The following TRPC4 variants were observed in gnomAD, a reference collection of about 807,000 sequenced individuals.
TRPC4 encodes transient receptor potential cation channel subfamily C member 4.
In TRPC4, 49 loss-of-function variants were observed where a neutral mutation model predicts 99.4. That is an observed-to-expected ratio of 0.49 (90% CI 0.39 to 0.63). TRPC4 has a LOEUF of 0.63. Among genes scored for constraint, TRPC4 ranks in the 20% least tolerant of loss-of-function variants. TRPC4 has a pLI of 0.00. For missense variants in TRPC4, 898 were observed against 1,152.9 expected (o/e 0.78, Z 3.20); for synonymous variants, 454 against 425.9 (o/e 1.07, Z -0.81).
intron 1 of TRPC4, among the ~76,000 whole-genome samples, chr13:37,821,359 T>A (rs1958006096): frequency 1.3e-5 from 2 of 152,086 alleles, no homozygotes; most frequent in African/African-American, 2.4e-5. Flanking sequence ...TGAATAGGAA[T>A]AATCAATATT....
chr13:37,825,368 G>T (rs1171059181), intron 1 of TRPC4, among the ~76,000 whole-genome samples: 16 of 149,732 alleles, frequency 1.1e-4, no homozygotes, highest in South Asian at 1.1e-3. Flanking sequence ...TGATGTTAGG[G>T]TGTCAATTTT....
intron 2 of TRPC4, among the ~76,000 whole-genome samples, chr13:37,765,453 G>A (rs1252397739): frequency 6.6e-6 from 1 of 151,354 alleles, no homozygotes; most frequent in Non-Finnish European, 1.5e-5. Flanking sequence ...TTTAATCCAT[G>A]TGGAATTCAG....
chr13:37,811,608 G>A (rs575531148), intron 1 of TRPC4, among the ~76,000 whole-genome samples: 19 of 152,210 alleles, frequency 1.2e-4, no homozygotes, highest in Admixed American at 2.0e-4. Context: ...GAATGTTCTC[G>A]TCTAGTATTC....
intron 4 of TRPC4, among the ~76,000 whole-genome samples, chr13:37,688,376 T>C (rs557024769): frequency 1.2e-4 from 19 of 152,150 alleles, no homozygotes; most frequent in Non-Finnish European, 1.3e-4. Context: ...ACAAGACAAC[T>C]GGTTCTATGA....
intron 1 of TRPC4, among the ~76,000 whole-genome samples, chr13:37,799,896 A>G (rs1031885249): frequency 1.3e-5 from 2 of 152,202 alleles, no homozygotes. Context: ...TGTTTTTGAA[A>G]TCTTCTGCTA....
chr13:37,755,846 T>C (rs887165845), intron 2 of TRPC4, among the ~76,000 whole-genome samples: 1 of 152,128 alleles, frequency 6.6e-6, no homozygotes, highest in Non-Finnish European at 1.5e-5. Flanking sequence ...GATAGTAAAA[T>C]AATAGAAACT....
At chr13:37,650,211 C>G (rs1408030556) in intron 8 of TRPC4, among the ~76,000 whole-genome samples, 2 of 151,898 alleles carry the variant, frequency 1.3e-5, no homozygotes, top group African/African-American at 4.8e-5. Flanking sequence ...AAATTGAAAA[C>G]AAATTAATAT....
intron 5 of TRPC4, among the ~76,000 whole-genome samples, chr13:37,673,497 T>C (rs1952935330): frequency 6.6e-6 from 1 of 152,122 alleles, no homozygotes. Context: ...AATTAACTAG[T>C]TATTTTGAAA....
chr13:37,765,346 T>C (rs1410829549), intron 2 of TRPC4, among the ~76,000 whole-genome samples: 1 of 151,488 alleles, frequency 6.6e-6, no homozygotes, highest in Non-Finnish European at 1.5e-5. Context: ...CTGCTTACTT[T>C]AAGCTTTATA....
chr13:37,843,023 T>A (rs1958788274), intron 1 of TRPC4, among the ~76,000 whole-genome samples: 2 of 152,226 alleles, frequency 1.3e-5, no homozygotes, highest in South Asian at 4.1e-4. Flanking sequence ...TGCTCAGTGA[T>A]TAATATGAGT....
chr13:37,839,920 C>T (rs1431516709), intron 1 of TRPC4, among the ~76,000 whole-genome samples: 2 of 152,128 alleles, frequency 1.3e-5, no homozygotes, highest in Non-Finnish European at 2.9e-5. Flanking sequence ...ATTCTATCCT[C>T]CTGCCATAAT....
intron 1 of TRPC4, among the ~76,000 whole-genome samples, chr13:37,816,384 T>A (rs369144558): frequency 6.6e-6 from 1 of 151,846 alleles, no homozygotes; most frequent in Non-Finnish European, 1.5e-5. Context: ...CTGATTCAAG[T>A]GGACCTGATA....
chr13:37,734,303 T>A (rs925289634), intron 3 of TRPC4, among the ~76,000 whole-genome samples: 3 of 152,200 alleles, frequency 2.0e-5, no homozygotes, highest in Non-Finnish European at 2.9e-5. Context: ...CATTTTATTA[T>A]CTAAGCAAGA....
At chr13:37,822,390 G>C (rs1366430833) in intron 1 of TRPC4, among the ~76,000 whole-genome samples, 1 of 151,690 alleles carries the variant, frequency 6.6e-6, no homozygotes, top group Non-Finnish European at 1.5e-5. Context: ...TCGTCATCTA[G>C]CATTAGGTAT....
chr13:37,727,446 C>T (rs539955060), intron 3 of TRPC4, among the ~76,000 whole-genome samples: 18 of 151,790 alleles, frequency 1.2e-4, no homozygotes, highest in Admixed American at 2.0e-4. Context: ...GAAATTTATG[C>T]CTATAAATAC....
chr13:37,769,317 T>TA (rs1310100879), intron 2 of TRPC4, among the ~76,000 whole-genome samples: 1 of 151,360 alleles, frequency 6.6e-6, no homozygotes, highest in Non-Finnish European at 1.5e-5. Flanking sequence ...CCTCATTTAT[T>TA]AAAAAAAGAT....
At chr13:37,704,651 A>G (rs573010872) in intron 3 of TRPC4, among the ~76,000 whole-genome samples, 13 of 152,214 alleles carry the variant, frequency 8.5e-5, no homozygotes, top group Non-Finnish European at 1.8e-4. Flanking sequence ...AAAAATAAAT[A>G]AATAAATAAA....
chr13:37,865,640 T>C (rs1959692785), intron 1 of TRPC4, among the ~76,000 whole-genome samples: 3 of 151,710 alleles, frequency 2.0e-5, no homozygotes, highest in Non-Finnish European at 1.5e-5. Flanking sequence ...TTATAATATT[T>C]TTAAAATTCA....
At chr13:37,735,805 A>C (rs1955378645) in intron 3 of TRPC4, among the ~76,000 whole-genome samples, 1 of 152,208 alleles carries the variant, frequency 6.6e-6, no homozygotes, top group Non-Finnish European at 1.5e-5. Flanking sequence ...AGAAGAGTAC[A>C]CTTCCTTGAA....
Sources: gnomAD v4.1 joint callset for allele counts (sites outside exome capture counted in the v4.1 genomes callset) on GRCh38, gnomAD v4.1.1 for gene constraint, MANE v1.5 for transcripts, NCBI Gene and HGNC (gene_info 2026-07-23, HGNC 2026-07-21) for gene names.